Variants in ROBO1 observed in about 807,000 individuals in gnomAD.
The protein encoded by ROBO1 is roundabout homolog 1.
Under a neutral mutation model 195.9 loss-of-function variants are expected in ROBO1, and 149 were observed. The observed-to-expected ratio is 0.76, with a 90% CI of 0.67 to 0.87. The LOEUF is 0.87. Ranked by LOEUF, ROBO1 falls within the 40% of genes least tolerant of loss-of-function variation. The probability of loss-of-function intolerance (pLI) is 0.00; values close to 1 mark genes in which losing one functional copy is unlikely to be tolerated. For synonymous variants in ROBO1, 816 were observed against 733.2 expected, an observed-to-expected ratio of 1.11 and a Z score of -1.82; for missense variants, 1,933 against 2,068.3, an observed-to-expected ratio of 0.93 and a Z score of 1.27.
rs1263476139 is a variant in ROBO1, at chr3:79,658,561, T to A, written c.-50-68600A>T. On this transcript the variant is annotated intron_variant, in intron 1 of 30. Transcript: ENST00000464233. The stretch of plus-strand genomic sequence containing the variant: ...CCCTAATTATTTTTGACAGCTAAAG[T>A]GGTATTTATGTATTTATTTTACTTT... 2.0e-5 allele frequency among the ~76,000 whole-genome samples: 3 copies of A among 152,028 alleles called. No individual in the cohort carries two copies. In the East Asian group the frequency reaches 5.8e-4, roughly 29 times the overall value.
At chr3:78,944,335 T>C (rs545751642) in intron 3 of ROBO1, among the ~76,000 whole-genome samples, 22 of 152,348 alleles carry the variant, frequency 1.4e-4, no homozygotes, top group African/African-American at 5.1e-4. Context: ...TTTTAAAATA[T>C]AGATGATAAA....
At chr3:79,251,552 A>C (rs780350766) in intron 2 of ROBO1, among the ~76,000 whole-genome samples, 3 of 152,128 alleles carry the variant, frequency 2.0e-5, no homozygotes, top group African/African-American at 4.8e-5. Context: ...GGAGATTCAG[A>C]CCATCCTGGC....
At chr3:79,077,548 A>G (rs1437870145) in intron 3 of ROBO1, among the ~76,000 whole-genome samples, 3 of 151,886 alleles carry the variant, frequency 2.0e-5, no homozygotes, top group Non-Finnish European at 4.4e-5. Context: ...AAATGCACAT[A>G]TTTTGTCACA....
chr3:79,012,069 C>T (rs1317686928), intron 3 of ROBO1, among the ~76,000 whole-genome samples: 1 of 152,138 alleles, frequency 6.6e-6, no homozygotes, highest in Non-Finnish European at 1.5e-5. Flanking sequence ...TTGATACTTT[C>T]TGAAATCTAA....
intron 1 of ROBO1, among the ~76,000 whole-genome samples, chr3:79,716,422 C>T (rs1194952969): frequency 6.6e-6 from 1 of 151,820 alleles, no homozygotes; most frequent in Non-Finnish European, 1.5e-5. Context: ...GATTAGTTTT[C>T]AGACTAGGTT....
At chr3:79,348,210 C>CAAAA (rs71127380) in intron 2 of ROBO1, among the ~76,000 whole-genome samples, 1 of 72,952 alleles carries the variant, frequency 1.4e-5, no homozygotes, top group Non-Finnish European at 2.8e-5. Flanking sequence ...GACTCCATCT[C>CAAAA]AAAAAAAAAA....
intron 2 of ROBO1, among the ~76,000 whole-genome samples, chr3:79,483,202 C>A (rs759799938): frequency 6.6e-6 from 1 of 152,082 alleles, no homozygotes; most frequent in African/African-American, 2.4e-5. Context: ...AAGACCCCAT[C>A]CAGAGACATT....
chr3:79,108,342 C>T (rs1437007268), intron 3 of ROBO1, among the ~76,000 whole-genome samples: 1 of 151,594 alleles, frequency 6.6e-6, no homozygotes, highest in African/African-American at 2.4e-5. Flanking sequence ...TTCACTTGTT[C>T]ACCTATTTAG....
intron 2 of ROBO1, among the ~76,000 whole-genome samples, chr3:79,163,947 T>G (rs189136017): frequency 1.3e-3 from 195 of 152,262 alleles, no homozygotes; most frequent in African/African-American, 4.4e-3. Context: ...GGCATTAGTA[T>G]GGTAATGACA....
intron 3 of ROBO1, among the ~76,000 whole-genome samples, chr3:79,067,067 T>A (rs983199261): frequency 6.6e-6 from 1 of 151,948 alleles, no homozygotes; most frequent in African/African-American, 2.4e-5. Flanking sequence ...GAATTACAAG[T>A]CTTTCATACA....
intron 3 of ROBO1, among the ~76,000 whole-genome samples, chr3:79,051,269 C>T (rs991186725): frequency 1.3e-5 from 2 of 152,174 alleles, no homozygotes; most frequent in African/African-American, 4.8e-5. Flanking sequence ...TCAGAGAATA[C>T]TATGAACATC....
At chr3:78,627,196 G>A (rs1046763093) in intron 26 of ROBO1, 125 bp downstream of exon 26, 2 of 1,004,636 alleles carry the variant, frequency 2.0e-6, no homozygotes, top group African/African-American at 1.6e-5. Context: ...GGTTTACTAT[G>A]GGATGATACT....
At chr3:78,836,987 C>T (rs1008034041) in intron 4 of ROBO1, among the ~76,000 whole-genome samples, 44 of 152,116 alleles carry the variant, frequency 2.9e-4, no homozygotes, top group African/African-American at 1.0e-3. Flanking sequence ...TATTCATCTG[C>T]TCATCACATC....
At chr3:79,030,769 T>C (rs2108301478) in intron 3 of ROBO1, among the ~76,000 whole-genome samples, 1 of 152,316 alleles carries the variant, frequency 6.6e-6, no homozygotes, top group African/African-American at 2.4e-5. Flanking sequence ...TCGACCAGGC[T>C]GGAGTGCAAT....
At chr3:78,853,473 G>GTA (rs1553748389) in intron 4 of ROBO1, among the ~76,000 whole-genome samples, 2 of 148,114 alleles carry the variant, frequency 1.4e-5, no homozygotes, top group Non-Finnish European at 3.0e-5. Context: ...GTGTGTGTGT[G>GTA]TGTATGTATG....
chr3:78,617,521 ACT>A, intron 27 of ROBO1, 112 bp downstream of exon 27: 2 of 1,130,978 alleles, frequency 1.8e-6, no homozygotes, highest in Non-Finnish European at 2.4e-6. Flanking sequence ...AAAAAAAAAA[ACT>A]GTAAGAATAG....
rs745596914 is a variant in ROBO1 at position 78,804,568 on chromosome 3, C to A, written c.500-57668G>T. 5.5e-4 allele frequency among the ~76,000 whole-genome samples: 84 copies of A among 152,122 alleles called. 1 individual carries two copies. Among genetic ancestry groups the A allele is most frequent in the Admixed American group, 2.0e-3 (30 of 15,276 alleles). On this transcript the variant is annotated intron_variant, in intron 4 of 30. Coordinates refer to ENST00000464233, the MANE Select transcript of ROBO1 (RefSeq NM_002941.4). ...TATTAAACTCACTGCACCTCTCAAT[C>A]ATCCATCATCCCCCACTTCTTTTTA...
chr3:78,704,508 C>T (rs1434058288), intron 8 of ROBO1, among the ~76,000 whole-genome samples: 1 of 151,756 alleles, frequency 6.6e-6, no homozygotes, highest in African/African-American at 2.4e-5. Context: ...GCAATAAAGT[C>T]TACAGTAAGC....
At chr3:79,151,179 T>C (rs886614080) in intron 2 of ROBO1, among the ~76,000 whole-genome samples, 7 of 151,868 alleles carry the variant, frequency 4.6e-5, no homozygotes, top group South Asian at 2.1e-4. Flanking sequence ...TCTCCAGCCA[T>C]GTGGAACTGG....
Sources: gnomAD v4.1 joint callset for allele counts (sites outside exome capture counted in the v4.1 genomes callset) on GRCh38, gnomAD v4.1.1 for gene constraint, MANE v1.5 for transcripts, NCBI Gene and HGNC (gene_info 2026-07-23, HGNC 2026-07-21) for gene names.